The following ZBTB39 variants were observed in gnomAD, a reference collection of about 807,000 sequenced individuals.
ZBTB39 encodes the protein zinc finger and BTB domain-containing protein 39.
A neutral mutation model predicts 39.4 loss-of-function variants in ZBTB39; 25 were observed. The ratio of observed to expected loss-of-function variants is 0.63; its 90% CI spans 0.46 to 0.89. The LOEUF (loss-of-function observed/expected upper bound fraction) is 0.89, where lower values mean the gene tolerates loss of function less well. Ranked by LOEUF, ZBTB39 falls within the 40% of genes least tolerant of loss-of-function variation. The pLI is 0.00. For missense variants in ZBTB39, 891 were observed against 909.7 expected (o/e 0.98, Z 0.26); for synonymous variants, 373 against 359.6 (o/e 1.04, Z -0.42).
chr12:57,005,368 GAACAC>G (rs2136411239), intron 1 of ZBTB39, among the ~76,000 whole-genome samples: 1 of 152,238 alleles, frequency 6.6e-6, no homozygotes, highest in Admixed American at 6.5e-5. Flanking sequence ...GCACATGCTT[GAACAC>G]AACTATCAAA....
At position 57,005,682 on chromosome 12, in the gene ZBTB39, C is replaced by T. The variant is rs61939636; in HGVS notation, c.-44-721G>A. Among the ~76,000 whole-genome samples the T allele has an allele frequency of 5.6e-3, 851 of 152,272 alleles. 5 individuals carry two copies. Among genetic ancestry groups the T allele is most frequent in the Non-Finnish European group, 7.8e-3 (528 of 68,024 alleles). Reference sequence around the variant, plus strand: ...TTTAATATGTTGTATTCTTTTTCGCCACCCTTTTCGGGGTTTATATTTTGT... The same window carrying T: ...TTTAATATGTTGTATTCTTTTTCGCTACCCTTTTCGGGGTTTATATTTTGT... On this transcript the variant is annotated intron_variant, in intron 1 of 1. Transcript: ENST00000300101.
In ZBTB39 at chr12:57,000,904, A is replaced by G. The variant is rs1956206329; in HGVS notation, c.*1875T>C. The stretch of plus-strand genomic sequence containing the variant: ...TTTGGTTTGTCTGACATCTCAATAT[A>G]AATAAAGACAGGAGGCTTCCAAACT... On this transcript the variant is annotated 3_prime_UTR_variant, in exon 2 of 2. Transcript: ENST00000300101. The G allele has an allele frequency of 1.3e-5, 2 of 152,224 alleles. No individual in the cohort carries two copies. The highest frequency in any genetic ancestry group is 4.1e-4 in the South Asian group (2 of 4,826). 9.4% of individuals were successfully genotyped at this position (152,224 alleles called of 1,614,324 possible).
At position 56,999,648 on chromosome 12, in the gene ZBTB39, T is replaced by G. The variant is rs1220794127; in HGVS notation, c.*3131A>C. On this transcript the variant is annotated 3_prime_UTR_variant, in exon 2 of 2. Transcript: ENST00000300101. The stretch of plus-strand genomic sequence containing the variant: ...CAGCAGAGCTTCCTAGCGGGTGCTG[T>G]GGCATCAGTGAGTCACCCAGTGGGT... 6.6e-6 allele frequency: 1 copy of G among 152,170 alleles called. No individual in the cohort carries two copies. Among genetic ancestry groups the G allele is most frequent in the African/African-American group, 2.4e-5 (1 of 41,432 alleles). The allele number at this position is 152,170 out of a possible 1,614,324, so 9.4% of individuals were successfully genotyped here. A position where few individuals can be genotyped will look rare whatever the true frequency, so the allele number is the denominator to read the frequency against.
chr12:57,003,803 C>A lies in ZBTB39; in HGVS notation c.1115G>T (p.Gly372Val). The change falls in exon 2 of 2, where the codon GGC becomes GTC. Residue 372 changes from glycine (G) to valine (V), a missense_variant. Gly to Val is a moderately radical substitution (Grantham distance 109). Coordinates refer to ENST00000300101, the MANE Select transcript of ZBTB39 (RefSeq NM_014830.3). This position sits in a 1 kb window ranked among gnomAD's most constrained non-coding sequence, Gnocchi z 4.8. ...HARDHVDLLTGNCKVCETHFQ... is the reference protein window; with the variant it reads ...HARDHVDLLTVNCKVCETHFQ... ...GTGGGTCTCGCAGACCTTGCAGTTG[C>A]CCGTCAGCAGGTCCACATGGTCCCG... 1 of 1,614,188 alleles carries A rather than the reference C, an allele frequency of 6.2e-7. No homozygotes were observed. Among genetic ancestry groups the A allele is most frequent in the Non-Finnish European group, 8.5e-7 (1 of 1,180,032 alleles).
chr12:57,006,139 C>T (rs1193065283), intron 1 of ZBTB39, among the ~76,000 whole-genome samples: 2 of 152,022 alleles, frequency 1.3e-5, no homozygotes, highest in Non-Finnish European at 2.9e-5. Context: ...GGCGCTGCAT[C>T]GGCTGGGGCG....
At position 57,002,713 on chromosome 12, in the gene ZBTB39, A is replaced by G; in HGVS notation, c.*66T>C. The G allele has an allele frequency of 2.0e-6, 3 of 1,487,596 alleles. No homozygotes were observed. Among genetic ancestry groups the G allele is most frequent in the African/African-American group, 1.4e-5 (1 of 72,518 alleles). 92.1% of individuals were successfully genotyped at this position (1,487,596 alleles called of 1,614,324 possible). A position where few individuals can be genotyped will look rare whatever the true frequency, so the allele number is the denominator to read the frequency against. ...TATAACTTCAGCTGGGGAGGGACCA[A>G]CACCTCTTAGATATCAGCATCCTGG... On this transcript the variant is annotated 3_prime_UTR_variant, in exon 2 of 2. Transcript: ENST00000300101.
rs1956194677 is a variant in ZBTB39 at position 56,999,034 on chromosome 12, T to A, written c.*3745A>T. On this transcript the variant is annotated 3_prime_UTR_variant, in exon 2 of 2. Coordinates refer to ENST00000300101, the MANE Select transcript of ZBTB39 (RefSeq NM_014830.3). ...GTACTTATTAATTTAATGGAAGGAG[T>A]TAGACGTCAACAACTCTTCTCTGTT... 1 of 152,526 alleles carries A rather than the reference T, an allele frequency of 6.6e-6. No homozygotes were observed. Among genetic ancestry groups the A allele is most frequent in the Non-Finnish European group, 1.5e-5 (1 of 68,010 alleles). 9.4% of individuals were successfully genotyped at this position (152,526 alleles called of 1,614,324 possible). A position where few individuals can be genotyped will look rare whatever the true frequency, so the allele number is the denominator to read the frequency against.
rs751533887 is a variant in ZBTB39, at chr12:57,002,734, C to G, written c.*45G>C. 38 of 1,571,878 alleles carry G rather than the reference C, an allele frequency of 2.4e-5. No homozygotes were observed. The Middle Eastern group carries it at 5.3e-4, about 22-fold the overall frequency. Reference sequence around the variant, plus strand: ...ACCAACACCTCTTAGATATCAGCATCCTGGCTGCTGCTTGGGAGCTCCCCG... The same window carrying G: ...ACCAACACCTCTTAGATATCAGCATGCTGGCTGCTGCTTGGGAGCTCCCCG... On this transcript the variant is annotated 3_prime_UTR_variant, in exon 2 of 2. Transcript: ENST00000300101.
rs903779804 is a variant in ZBTB39 at position 57,002,627 on chromosome 12, T to C, written c.*152A>G. 17 of 712,176 alleles carry C rather than the reference T, an allele frequency of 2.4e-5. No homozygotes were observed. The highest frequency in any genetic ancestry group is 3.9e-5 in the Non-Finnish European group (17 of 433,914). The allele number at this position is 712,176 out of a possible 1,614,324, so 44.1% of individuals were successfully genotyped here. A position where few individuals can be genotyped will look rare whatever the true frequency, so the allele number is the denominator to read the frequency against. ...TCAACAACAGTAACAGCTTATGTGC[T>C]ATTTCTTCTTCTTTTCTTCTTTAAA... On this transcript the variant is annotated 3_prime_UTR_variant, in exon 2 of 2. Transcript: ENST00000300101.
rs1382594471 is a variant in ZBTB39 at position 57,002,386 on chromosome 12, A to C, written c.*393T>G. On this transcript the variant is annotated 3_prime_UTR_variant, in exon 2 of 2. Coordinates refer to ENST00000300101, the MANE Select transcript of ZBTB39 (RefSeq NM_014830.3). ...GGCCTGCAGTAACACCCACAGTGAA[A>C]ACCTCCCTTTACCTCCTCTGTTAAG... 1 of 185,516 alleles carries C rather than the reference A, an allele frequency of 5.4e-6. No individual in the cohort carries two copies. Among genetic ancestry groups the C allele is most frequent in the Non-Finnish European group, 1.1e-5 (1 of 88,592 alleles). 11.5% of individuals were successfully genotyped at this position (185,516 alleles called of 1,614,324 possible).
In ZBTB39 at chr12:57,004,705, C is replaced by G. The variant is rs1956234895; in HGVS notation, c.213G>C (p.Val71=). The change falls in exon 2 of 2, where the codon GTG becomes GTC. Residue 71 remains valine (V), a synonymous_variant. Transcript: ENST00000300101. ...AGTTGGCAGGGGTGATGAAGTCCAC[C>G]ACATAGGTCCTGGCAGCATCAAGCC... is the stretch of plus-strand genomic sequence containing the variant. ...NTGLDAARTY[V]VDFITPANFE... is the part of the protein sequence containing the mutation. 1 of 1,614,178 alleles carries G rather than the reference C, an allele frequency of 6.2e-7. No homozygotes were observed. Among genetic ancestry groups the G allele is most frequent in the Non-Finnish European group, 8.5e-7 (1 of 1,180,022 alleles).
chr12:57,004,589 C>T lies in ZBTB39; in HGVS notation c.329G>A (p.Gly110Asp). 1 of 1,614,192 alleles carries T rather than the reference C, an allele frequency of 6.2e-7. No individual in the cohort carries two copies. The highest frequency in any genetic ancestry group is 8.5e-7 in the Non-Finnish European group (1 of 1,180,022). ...GVIYEVAERL[G>D]MEDLLQACHS... is the part of the protein sequence containing the mutation. ...ACAGGCCTGGAGGAGGTCCTCCATA[C>T]CCAGACGCTCAGCTACCTCGTAGAT... is the stretch of plus-strand genomic sequence containing the variant. Residue 110 changes from glycine (G) to aspartate (D), a missense_variant, in exon 2 of 2, where the codon GGT (glycine) becomes GAT (aspartate). By Grantham distance (94) the Gly-to-Asp change is moderately conservative. Transcript: ENST00000300101.
chr12:57,002,770 G>A lies in ZBTB39; in HGVS notation c.*9C>T, dbSNP rs375243744. The A allele has an allele frequency of 4.4e-5, 70 of 1,607,956 alleles. No homozygotes were observed. The African/African-American group carries it at 7.1e-4, about 16-fold the overall frequency. On this transcript the variant is annotated 3_prime_UTR_variant, in exon 2 of 2. Coordinates refer to ENST00000300101, the MANE Select transcript of ZBTB39 (RefSeq NM_014830.3). ...CTTGGGAGCTCCCCGTGGCTCTGCC[G>A]GGACCCAGTCAACTGTCCGGGTTCT...
chr12:57,004,767 CA>C lies in ZBTB39; in HGVS notation c.150del (p.Cys50TrpfsTer11). On this transcript the variant is annotated frameshift_variant, in exon 2 of 2. Transcript: ENST00000300101. LOFTEE classifies it high-confidence loss of function. The stretch of plus-strand genomic sequence containing the variant: ...AAGAGGTTCTGGAAGTAGCCAGCTG[CA>C]CAGGCCAGCACAGCCTTGTGGGCCG... ...SFPAHKAVLACAAGYFQNLFL... is the reference protein window; with the variant it reads ...SFPAHKAVLAXAAGYFQNLFL... The C allele has an allele frequency of 6.2e-7, 1 of 1,614,182 alleles. No individual in the cohort carries two copies. Among genetic ancestry groups the C allele is most frequent in the Non-Finnish European group, 8.5e-7 (1 of 1,180,024 alleles).
In ZBTB39 at chr12:57,002,560, C is replaced by T; in HGVS notation, c.*219G>A. The T allele has an allele frequency of 1.7e-6, 1 of 577,248 alleles. No individual in the cohort carries two copies. Among genetic ancestry groups the T allele is most frequent in the Non-Finnish European group, 3.0e-6 (1 of 329,170 alleles). 35.8% of individuals were successfully genotyped at this position (577,248 alleles called of 1,614,324 possible). ...AATGAAAAACATAGCCCTGCATGGG[C>T]AAGAACAGGTATGGAGGTAAATGTG... On this transcript the variant is annotated 3_prime_UTR_variant, in exon 2 of 2. Transcript: ENST00000300101.
Position 57,003,504 on chromosome 12 carries a change from G to A in ZBTB39, c.1414C>T (p.Leu472Phe). The stretch of plus-strand genomic sequence containing the variant: ...TGGCCCTTCAAGTTTAGATGGTCAA[G>A]GATGTGGCCCCGGACCACATGGAAA... ...KDFHVVRGHILDHLNLKGQAC... is the reference protein window; with the variant it reads ...KDFHVVRGHIFDHLNLKGQAC... Residue 472 changes from leucine to phenylalanine, a missense_variant, in exon 2 of 2, where the codon CTT (leucine) becomes TTT (phenylalanine). Coordinates refer to ENST00000300101, the MANE Select transcript of ZBTB39 (RefSeq NM_014830.3). The surrounding 1 kb of genome is among the most constrained non-coding windows in gnomAD (Gnocchi z 4.8). The A allele has an allele frequency of 1.9e-6, 3 of 1,613,964 alleles. No individual in the cohort carries two copies. The highest frequency in any genetic ancestry group is 2.5e-6 in the Non-Finnish European group (3 of 1,179,816).
chr12:57,002,998 C>T lies in ZBTB39; in HGVS notation c.1920G>A (p.Lys640=). Residue 640 remains lysine, a synonymous_variant, in exon 2 of 2, where the codon AAG becomes AAA. Coordinates refer to ENST00000300101, the MANE Select transcript of ZBTB39 (RefSeq NM_014830.3). ...TGATGGTCGAGCGGCCTCGAAAGAA[C>T]TTGTGGCACACCTTACATTGGTATG... The part of the protein sequence containing the change: ...EKPYQCKVCH[K]FFRGRSTIKC... The T allele has an allele frequency of 1.2e-6, 2 of 1,614,236 alleles. No homozygotes were observed. The highest frequency in any genetic ancestry group is 1.3e-5 in the African/African-American group (1 of 75,054).
At position 57,001,395 on chromosome 12, in the gene ZBTB39, C is replaced by A. The variant is rs920654496; in HGVS notation, c.*1384G>T. 2.0e-5 allele frequency: 3 copies of A among 152,682 alleles called. No individual in the cohort carries two copies. The highest frequency in any genetic ancestry group is 2.9e-5 in the Non-Finnish European group (2 of 68,076). 9.5% of individuals were successfully genotyped at this position (152,682 alleles called of 1,614,324 possible). A position where few individuals can be genotyped will look rare whatever the true frequency, so the allele number is the denominator to read the frequency against. On this transcript the variant is annotated 3_prime_UTR_variant, in exon 2 of 2. Transcript: ENST00000300101. Reference sequence around the variant, plus strand: ...AGTGCCAGGGCTGAGGCCAGGGACTCCCAGAGCTCACCTGAGCAGGGTGAG... The same window carrying A: ...AGTGCCAGGGCTGAGGCCAGGGACTACCAGAGCTCACCTGAGCAGGGTGAG...
At position 57,004,292 on chromosome 12, in the gene ZBTB39, G is replaced by A. The variant is rs201184273; in HGVS notation, c.626C>T (p.Thr209Ile). 10 of 1,614,244 alleles carry A rather than the reference G, an allele frequency of 6.2e-6. No homozygotes were observed. The African/African-American group carries it at 1.2e-4, about 19-fold the overall frequency. The change falls in exon 2 of 2, where the codon ACA becomes ATA. Residue 209 changes from threonine to isoleucine, a missense_variant. Transcript: ENST00000300101. The stretch of plus-strand genomic sequence containing the variant: ...GGGAGCAGGGGTGTCATGGTCTTCT[G>A]TCTTTGGCGGTGGTGGGGGCGGTTG... ...LPQPPPPPPK[T>I]EDHDTPAPFT...
Sources: gnomAD v4.1 joint callset for allele counts (sites outside exome capture counted in the v4.1 genomes callset) on GRCh38, gnomAD v4.1.1 for gene constraint, Gnocchi (gnomAD v3.1) non-coding constraint, MANE v1.5 for transcripts, NCBI Gene and HGNC (gene_info 2026-07-23, HGNC 2026-07-21) for gene names.